Variants in LACTB observed in about 807,000 individuals in gnomAD.
The protein encoded by LACTB is lactamase beta.
In LACTB, 35 loss-of-function variants were observed where a neutral mutation model predicts 50.2. That is an observed-to-expected ratio of 0.70 (90% CI 0.53 to 0.92). The LOEUF is 0.92. Among genes scored for constraint, LACTB ranks in the 40% least tolerant of loss-of-function variants. The pLI, the probability that LACTB is intolerant of heterozygous loss-of-function variation, is 0.00. For synonymous variants in LACTB, 252 were observed against 268.2 expected, an observed-to-expected ratio of 0.94 and a Z score of 0.59; for missense variants, 664 against 691.8, an observed-to-expected ratio of 0.96 and a Z score of 0.45.
intron 3 of LACTB, 122 bp downstream of exon 3, chr15:63,127,171 T>G: frequency 2.1e-6 from 2 of 953,306 alleles, no homozygotes; most frequent in East Asian, 2.7e-5. Flanking sequence ...GTATTAGTTT[T>G]TCTTAATCCA....
At chr15:63,122,333 A>G (rs553531522) in intron 1 of LACTB, 105 bp downstream of exon 1, 3 of 989,176 alleles carry the variant, frequency 3.0e-6, no homozygotes, top group Admixed American at 3.0e-5. Context: ...GGTGCCCGCG[A>G]TCGGCTTCCG....
rs763742169 is a variant in LACTB, at chr15:63,127,600, A to T, written c.863A>T (p.Glu288Val). Residue 288 changes from glutamate to valine, a missense_variant, in exon 4 of 6, where the codon GAA becomes GTA. Physicochemically the swap from Glu to Val is moderately radical, Grantham distance 121. Coordinates refer to ENST00000261893, the MANE Select transcript of LACTB (RefSeq NM_032857.5). ...CCTGGCAAGAAAAAGAATGATTTTG[A>T]ACAAGGCGAATTATATTTGAGAGAA... The part of the protein sequence containing the change: ...SKPGKKKNDF[E>V]QGELYLREKF... 3.1e-6 allele frequency: 5 copies of T among 1,613,378 alleles called. No homozygotes were observed. In the Admixed American group the frequency reaches 5.0e-5, roughly 16 times the overall value.
At chr15:63,140,739 C>T (rs559298007) in intron 5 of LACTB, among the ~76,000 whole-genome samples, 2 of 152,286 alleles carry the variant, frequency 1.3e-5, no homozygotes, top group South Asian at 4.1e-4. Flanking sequence ...CCTTAGCCTC[C>T]TGAGTTGCTG....
chr15:63,122,544 C>G, intron 1 of LACTB, 92 bp from the exon 2 acceptor site: 1 of 1,026,908 alleles, frequency 9.7e-7, no homozygotes, highest in Non-Finnish European at 1.5e-6. Flanking sequence ...GGGGCCCAGG[C>G]TCAGGGGGCG....
In LACTB at chr15:63,121,966, G is replaced by C; in HGVS notation, c.95G>C (p.Gly32Ala). The C allele has an allele frequency of 4.4e-6, 6 of 1,379,104 alleles. No individual in the cohort carries two copies. Among genetic ancestry groups the C allele is most frequent in the Non-Finnish European group, 5.6e-6 (6 of 1,075,144 alleles). The allele number at this position is 1,379,104 out of a possible 1,614,324, so 85.4% of individuals were successfully genotyped here. A position where few individuals can be genotyped will look rare whatever the true frequency, so the allele number is the denominator to read the frequency against. Reference sequence around the variant, plus strand: ...CGACGCGGGGTCCATCAGCGCGCCGGGCTGCCGCCTCTCGGCCACGGCTGG... The same window carrying C: ...CGACGCGGGGTCCATCAGCGCGCCGCGCTGCCGCCTCTCGGCCACGGCTGG... The part of the protein sequence containing the change: ...CGRRGVHQRA[G>A]LPPLGHGWVG... Residue 32 changes from glycine to alanine, a missense_variant, in exon 1 of 6, where the codon GGG becomes GCG. Physicochemically the swap from Gly to Ala is moderately conservative, Grantham distance 60. Coordinates refer to ENST00000261893, the MANE Select transcript of LACTB (RefSeq NM_032857.5).
At chr15:63,132,040 C>T (rs1443612496) in intron 5 of LACTB, among the ~76,000 whole-genome samples, 1 of 151,806 alleles carries the variant, frequency 6.6e-6, no homozygotes, top group East Asian at 1.9e-4. Flanking sequence ...ACATGGTAAT[C>T]CCCTAATTTC....
intron 1 of LACTB, 92 bp downstream of exon 1, chr15:63,122,320 C>T: frequency 1.8e-6 from 2 of 1,105,220 alleles, no homozygotes; most frequent in South Asian, 1.6e-5. Context: ...CCCGGGGCGG[C>T]GGGGTGCCCG....
At position 63,129,411 on chromosome 15, in the gene LACTB, G is replaced by A. The variant is rs1257146369; in HGVS notation, c.953-74G>A. The stretch of plus-strand genomic sequence containing the variant: ...TTTTAAAAGTATGCCAATTTTCAGT[G>A]GGAATATATTTTATATGTTTTTGAA... On this transcript the variant is annotated intron_variant, in intron 4 of 5. Coordinates refer to ENST00000261893, the MANE Select transcript of LACTB (RefSeq NM_032857.5). 6 of 1,285,254 alleles carry A rather than the reference G, an allele frequency of 4.7e-6. No individual in the cohort carries two copies. The African/African-American group carries it at 6.2e-5, about 13-fold the overall frequency. 79.6% of individuals were successfully genotyped at this position (1,285,254 alleles called of 1,614,324 possible). A position where few individuals can be genotyped will look rare whatever the true frequency, so the allele number is the denominator to read the frequency against.
At position 63,121,944 on chromosome 15, in the gene LACTB, C is replaced by T. The variant is rs34297800; in HGVS notation, c.73C>T (p.Arg25Cys). 3.5e-3 allele frequency: 5,011 copies of T among 1,412,632 alleles called. 130 individuals are homozygous for T. In the African/African-American group the frequency reaches 0.06, roughly 17 times the overall value. The allele number at this position is 1,412,632 out of a possible 1,614,324, so 87.5% of individuals were successfully genotyped here. A position where few individuals can be genotyped will look rare whatever the true frequency, so the allele number is the denominator to read the frequency against. Residue 25 changes from arginine to cysteine, a missense_variant, in exon 1 of 6, where the codon CGC becomes TGC. Arg to Cys is a radical substitution (Grantham distance 180, BLOSUM62 -3). Coordinates refer to ENST00000261893, the MANE Select transcript of LACTB (RefSeq NM_032857.5). ...GGGCTTGGCCTCAAGCTGCGGACGA[C>T]GCGGGGTCCATCAGCGCGCCGGGCT... ...PGGLASSCGR[R>C]GVHQRAGLPP... is the part of the protein sequence containing the mutation.
chr15:63,136,544 T>C lies in LACTB; in HGVS notation c.1119-4736T>C, dbSNP rs1427772265. Among the ~76,000 whole-genome samples, 5 of 152,310 alleles carry C rather than the reference T, an allele frequency of 3.3e-5. No homozygotes were observed. The South Asian group carries it at 6.2e-4, about 19-fold the overall frequency. On this transcript the variant is annotated intron_variant, in intron 5 of 5. Coordinates refer to ENST00000261893, the MANE Select transcript of LACTB (RefSeq NM_032857.5). ...AGGGCACTAAAAGAGGAAATATTGT[T>C]ACCTAGGAAAATGTTTTGTCTGTTT...
chr15:63,131,589 G>A (rs2037133571), intron 5 of LACTB: 1 of 152,098 alleles, frequency 6.6e-6, no homozygotes, highest in Non-Finnish European at 1.5e-5. Flanking sequence ...TGCCCTCCAG[G>A]AGCTTACAGA....
At chr15:63,137,132 G>T (rs1376860415) in intron 5 of LACTB, among the ~76,000 whole-genome samples, 1 of 152,122 alleles carries the variant, frequency 6.6e-6, no homozygotes, top group Non-Finnish European at 1.5e-5. Context: ...ATAAAATTGG[G>T]ATTTTCTTAA....
intron 5 of LACTB, among the ~76,000 whole-genome samples, chr15:63,136,283 C>T (rs755483793): frequency 1.2e-4 from 18 of 152,156 alleles, no homozygotes; most frequent in Non-Finnish European, 2.6e-4. Flanking sequence ...ATGATCCTCC[C>T]TCCTCAGCCT....
chr15:63,122,216 G>T lies in LACTB; in HGVS notation c.345G>T (p.Leu115=). 2 of 1,560,074 alleles carry T rather than the reference G, an allele frequency of 1.3e-6. No homozygotes were observed. Among genetic ancestry groups the T allele is most frequent in the Non-Finnish European group, 1.7e-6 (2 of 1,162,822 alleles). The change falls in exon 1 of 6, where the codon CTG becomes CTT. Residue 115 remains leucine (L), a synonymous_variant. Transcript: ENST00000261893. The part of the protein sequence containing the change: ...ARAIESSRDL[L]HRIKDEVGAP... ...CCATCGAGAGCAGCCGCGACCTGCT[G>T]CACAGGATCAAGGTGCGGCCACTGG...
In LACTB at chr15:63,136,713, A is replaced by T. The variant is rs192563061; in HGVS notation, c.1119-4567A>T. ...GGGAGTAAAAGGAATCTCTTCAAAGATACAGGCAAAAATAAAACCTTGAAG... is the reference window on the plus strand; with the variant it reads ...GGGAGTAAAAGGAATCTCTTCAAAGTTACAGGCAAAAATAAAACCTTGAAG... On this transcript the variant is annotated intron_variant, in intron 5 of 5. Transcript: ENST00000261893. Among the ~76,000 whole-genome samples, 310 of 152,266 alleles carry T rather than the reference A, an allele frequency of 2.0e-3. 2 individuals are homozygous for T. Among genetic ancestry groups the T allele is most frequent in the African/African-American group, 7.3e-3 (302 of 41,558 alleles).
intron 2 of LACTB, among the ~76,000 whole-genome samples, chr15:63,125,175 A>T (rs1170572921): frequency 3.1e-5 from 4 of 130,426 alleles, no homozygotes; most frequent in East Asian, 6.3e-4. Flanking sequence ...AATTTTATTT[A>T]TTTATTTTTT....
intron 4 of LACTB, 53 bp from the exon 5 acceptor site, chr15:63,129,432 T>C: frequency 7.0e-7 from 1 of 1,438,322 alleles, no homozygotes; most frequent in Non-Finnish European, 9.3e-7. Flanking sequence ...TTATATGTTT[T>C]TGAATAATAA....
chr15:63,132,442 G>C (rs542361589), intron 5 of LACTB, among the ~76,000 whole-genome samples: 40 of 152,200 alleles, frequency 2.6e-4, no homozygotes, highest in African/African-American at 9.4e-4. Flanking sequence ...GCTTTATTTT[G>C]TGTGTGTTGA....
rs1259751471 is a variant in LACTB at position 63,141,587 on chromosome 15, T to C, written c.1426T>C (p.Cys476Arg). 4 of 1,614,058 alleles carry C rather than the reference T, an allele frequency of 2.5e-6. No individual in the cohort carries two copies. Among genetic ancestry groups the C allele is most frequent in the Non-Finnish European group, 3.4e-6 (4 of 1,180,042 alleles). The change falls in exon 6 of 6, where the codon TGT (cysteine) becomes CGT (arginine). Residue 476 changes from cysteine to arginine, a missense_variant. By Grantham distance (180) the Cys-to-Arg change is radical. Transcript: ENST00000261893. ...GGAAAGGAAACAAACGTATGGTTCGTGTAGAAAGCAACGGCATTATGCTTC... is the reference window on the plus strand; with the variant it reads ...GGAAAGGAAACAAACGTATGGTTCGCGTAGAAAGCAACGGCATTATGCTTC... ...VVERKQTYGS[C>R]RKQRHYASHT...
Sources: gnomAD v4.1 joint callset for allele counts (sites outside exome capture counted in the v4.1 genomes callset) on GRCh38, gnomAD v4.1.1 for gene constraint, MANE v1.5 for transcripts, NCBI Gene and HGNC (gene_info 2026-07-23, HGNC 2026-07-21) for gene names.